PDE4B: variants seen among roughly 807,000 people sequenced by gnomAD.
PDE4B encodes 3',5'-cyclic-AMP phosphodiesterase 4B.
In PDE4B, 20 loss-of-function variants were observed where a neutral mutation model predicts 82.2. The ratio of observed to expected loss-of-function variants is 0.24; its 90% CI spans 0.17 to 0.35. PDE4B has a LOEUF of 0.35. Ranked by LOEUF, PDE4B falls within the 10% of genes least tolerant of loss-of-function variation. PDE4B has a pLI of 1.00. For missense variants in PDE4B, 655 were observed against 907.2 expected (o/e 0.72, Z 3.57); for synonymous variants, 320 against 318.9 (o/e 1.00, Z -0.04).
Position 66,228,461 on chromosome 1 carries a change from A to G in PDE4B, c.282-18999A>G, listed in dbSNP as rs185084264. Among the ~76,000 whole-genome samples, 8 of 152,162 alleles carry G rather than the reference A, an allele frequency of 5.3e-5. No homozygotes were observed. In the East Asian group the frequency reaches 1.6e-3, roughly 29 times the overall value. On this transcript the variant is annotated intron_variant, in intron 3 of 16. Transcript: ENST00000341517. ...AACACAGTGAAACCCCATCTCTACT[A>G]AAAATACAAAAAATTAGCCAGACAT...
At chr1:65,883,218 T>G (rs963922274) in intron 1 of PDE4B, among the ~76,000 whole-genome samples, 1 of 152,200 alleles carries the variant, frequency 6.6e-6, no homozygotes, top group Non-Finnish European at 1.5e-5. Context: ...TTGATGGGGA[T>G]GGCATTGAAT....
intron 8 of PDE4B, among the ~76,000 whole-genome samples, chr1:66,343,456 G>T (rs1049322043): frequency 1.3e-5 from 2 of 152,088 alleles, no homozygotes; most frequent in Admixed American, 6.5e-5. Flanking sequence ...CCCTCCCTTA[G>T]CTATTCTAAC....
chr1:66,088,725 C>CT (rs1027593083), intron 3 of PDE4B, among the ~76,000 whole-genome samples: 5 of 152,056 alleles, frequency 3.3e-5, no homozygotes, highest in Non-Finnish European at 5.9e-5. Context: ...GTCATTGGGG[C>CT]TTTTTTTCTC....
intron 1 of PDE4B, among the ~76,000 whole-genome samples, chr1:65,882,331 A>G (rs1646717606): frequency 6.6e-6 from 1 of 152,218 alleles, no homozygotes; most frequent in Non-Finnish European, 1.5e-5. Flanking sequence ...GTCACTGACT[A>G]GGTTTCAGAA....
chr1:66,146,833 T>C lies in PDE4B; in HGVS notation c.282-100627T>C, dbSNP rs561180444. On this transcript the variant is annotated intron_variant, in intron 3 of 16. Transcript: ENST00000341517. ...TAAACTACGTACCGTAGAGGAAAAT[T>C]AGTGTTCCATTAAAAGTGACCATGT... Among the ~76,000 whole-genome samples the C allele has an allele frequency of 1.1e-4, 16 of 152,326 alleles. No homozygotes were observed. The South Asian group carries it at 3.1e-3, about 30-fold the overall frequency.
intron 3 of PDE4B, among the ~76,000 whole-genome samples, chr1:66,246,448 C>A (rs1192669918): frequency 1.3e-5 from 2 of 152,202 alleles, no homozygotes; most frequent in Non-Finnish European, 2.9e-5. Context: ...AGCCCCATAT[C>A]TTTTGTTCAC....
intron 3 of PDE4B, among the ~76,000 whole-genome samples, chr1:66,087,487 T>C (rs938923335): frequency 1.3e-5 from 2 of 152,160 alleles, no homozygotes; most frequent in African/African-American, 4.8e-5. Flanking sequence ...GTGCAGAAGC[T>C]CTTTAATTTA....
chr1:66,274,946 G>A (rs1156914943), intron 7 of PDE4B, among the ~76,000 whole-genome samples: 2 of 152,028 alleles, frequency 1.3e-5, no homozygotes, highest in Non-Finnish European at 2.9e-5. Flanking sequence ...TGAAGTTTAA[G>A]ACTTTTTTTT....
chr1:66,204,691 T>C (rs1212746860), intron 3 of PDE4B, among the ~76,000 whole-genome samples: 2 of 152,164 alleles, frequency 1.3e-5, no homozygotes, highest in African/African-American at 4.8e-5. Flanking sequence ...TTTAAGCCCA[T>C]TGGAAAAGCG....
chr1:65,863,755 G>A (rs918048001), intron 1 of PDE4B, among the ~76,000 whole-genome samples: 7 of 152,148 alleles, frequency 4.6e-5, no homozygotes, highest in Admixed American at 1.3e-4. Flanking sequence ...TTACCATTAC[G>A]TAATGCGTTT....
At chr1:66,257,593 C>T in intron 4 of PDE4B, 54 bp from the exon 5 acceptor site, 2 of 1,426,102 alleles carry the variant, frequency 1.4e-6, no homozygotes, top group Non-Finnish European at 2.0e-6. Flanking sequence ...GCTTATATGT[C>T]ACAGTTATAA....
At chr1:66,092,206 G>C (rs1645039068) in intron 3 of PDE4B, among the ~76,000 whole-genome samples, 1 of 152,030 alleles carries the variant, frequency 6.6e-6, no homozygotes, top group Non-Finnish European at 1.5e-5. Flanking sequence ...TTTTGAGTTA[G>C]AGTACAGTAA....
chr1:66,372,642 C>T lies in PDE4B; in HGVS notation c.2175C>T (p.Asp725=). ...ATTCCCTGGGAGAGACTGACATAGA[C>T]ATTGCAACAGAAGACAAGTCCCCCG... is the stretch of plus-strand genomic sequence containing the variant. ...NRDSLGETDI[D]IATEDKSPVD... is the part of the protein sequence containing the mutation. The change falls in exon 17 of 17, where the codon GAC becomes GAT. Residue 725 remains aspartate (D), a synonymous_variant. Transcript: ENST00000341517. 1 of 1,613,760 alleles carries T rather than the reference C, an allele frequency of 6.2e-7. No homozygotes were observed. The highest frequency in any genetic ancestry group is 8.5e-7 in the Non-Finnish European group (1 of 1,179,694).
intron 1 of PDE4B, among the ~76,000 whole-genome samples, chr1:65,822,780 A>G (rs1042644616): frequency 6.6e-6 from 1 of 151,978 alleles, no homozygotes; most frequent in Non-Finnish European, 1.5e-5. Context: ...GAGAGATCCA[A>G]CCCTCACCAG....
chr1:66,081,409 T>C (rs1656715382), intron 3 of PDE4B, among the ~76,000 whole-genome samples: 3 of 152,146 alleles, frequency 2.0e-5, no homozygotes, highest in Non-Finnish European at 2.9e-5. Flanking sequence ...GTCTACACTT[T>C]CCACATAGAA....
chr1:66,178,605 T>C (rs552172817), intron 3 of PDE4B, among the ~76,000 whole-genome samples: 9 of 152,228 alleles, frequency 5.9e-5, no homozygotes, highest in Non-Finnish European at 1.3e-4. Flanking sequence ...TCCCAATTTA[T>C]CCAGAGCTAT....
chr1:66,011,674 C>T (rs919229931), intron 3 of PDE4B, among the ~76,000 whole-genome samples: 2 of 151,660 alleles, frequency 1.3e-5, no homozygotes, highest in African/African-American at 4.8e-5. Flanking sequence ...TGTTTTTTTT[C>T]CTGTGAGACA....
At chr1:65,887,186 TTTTC>T (rs766627917) in intron 1 of PDE4B, among the ~76,000 whole-genome samples, 1,288 of 60,110 alleles carry the variant, frequency 0.021, 59 homozygotes, top group Non-Finnish European at 0.029. Context: ...CTCCCTCCCT[TTTTC>T]TTTCTTTCTT....
intron 1 of PDE4B, among the ~76,000 whole-genome samples, chr1:65,856,181 A>C (rs911391873): frequency 4.6e-5 from 7 of 152,164 alleles, no homozygotes; most frequent in African/African-American, 1.4e-4. Context: ...TCAATGTGCA[A>C]GGAGATAGAG....
Sources: allele counts gnomAD v4.1 joint callset (sites outside exome capture counted in the v4.1 genomes callset), GRCh38; gene constraint gnomAD v4.1.1; transcripts MANE v1.5; gene names NCBI Gene and HGNC (gene_info 2026-07-23, HGNC 2026-07-21).